Variants in MYO16 observed in about 807,000 individuals in gnomAD.
The protein encoded by MYO16 is unconventional myosin-XVI.
A neutral mutation model predicts 205.3 loss-of-function variants in MYO16; 94 were observed. That is an observed-to-expected ratio of 0.46 (90% confidence interval 0.39 to 0.54). The LOEUF (loss-of-function observed/expected upper bound fraction) is 0.54, where lower values mean the gene tolerates loss of function less well. MYO16 is among the 20% of genes least tolerant of loss of function. MYO16 has a pLI of 0.00. For synonymous variants in MYO16, 988 were observed against 954.0 expected (o/e 1.04, Z -0.66); for missense variants, 2,315 against 2,387.5 (o/e 0.97, Z 0.63).
At chr13:108,939,787 A>G (rs1370982854) in intron 16 of MYO16, among the ~76,000 whole-genome samples, 1 of 152,222 alleles carries the variant, frequency 6.6e-6, no homozygotes, top group Non-Finnish European at 1.5e-5. Flanking sequence ...CATCAATATC[A>G]ATATAAGACA....
intron 1 of MYO16, among the ~76,000 whole-genome samples, chr13:108,605,673 G>A (rs1878928756): frequency 6.6e-6 from 1 of 152,198 alleles, no homozygotes; most frequent in African/African-American, 2.4e-5. Flanking sequence ...CAGCCATGCA[G>A]AACTGTGAGT....
intron 1 of MYO16, among the ~76,000 whole-genome samples, chr13:108,648,213 T>C (rs1880839923): frequency 6.6e-6 from 1 of 152,228 alleles, no homozygotes; most frequent in South Asian, 2.1e-4. Context: ...TTAACTTACA[T>C]GATCCAGTAA....
Position 109,140,688 on chromosome 13 carries a change from GC to G in MYO16, c.4481del (p.Pro1494GlnfsTer40). 6.8e-7 allele frequency: 1 copy of G among 1,480,632 alleles called. No individual in the cohort carries two copies. The highest frequency in any genetic ancestry group is 8.9e-7 in the Non-Finnish European group (1 of 1,118,706). 91.7% of individuals were successfully genotyped at this position (1,480,632 alleles called of 1,614,324 possible). The stretch of plus-strand genomic sequence containing the variant: ...GCGCGCCGGAGGACGAGGCGGCGGG[GC>G]CCCCAGGGGACGCGTGCGACATCCC... ...HRAPEDEAAG[P>X]PGDACDIPPP... On this transcript the variant is annotated frameshift_variant, in exon 32 of 35. Coordinates refer to ENST00000457511, the MANE Select transcript of MYO16 (RefSeq NM_001198950.3). LOFTEE classifies it high-confidence loss of function. This position sits in a 1 kb window ranked among gnomAD's most constrained non-coding sequence, Gnocchi z 8.0.
the MYO16 span, among the ~76,000 whole-genome samples, chr13:108,558,976 A>G: frequency 2.8e-5 from 4 of 141,194 alleles, no homozygotes; most frequent in African/African-American, 1.1e-4. Context: ...TGAGCTGATG[A>G]GATGTTGATT....
rs981535621 is a variant in MYO16, at chr13:109,041,422, C to T, written c.2797-5494C>T. On this transcript the variant is annotated intron_variant, in intron 23 of 34. Coordinates refer to ENST00000457511, the MANE Select transcript of MYO16 (RefSeq NM_001198950.3). ...GGTAAAGAAGATAGAATAGCTAAAACAATGTTTATAAAGAAGAATGAAGTG... is the reference window on the plus strand; with the variant it reads ...GGTAAAGAAGATAGAATAGCTAAAATAATGTTTATAAAGAAGAATGAAGTG... 2.0e-4 allele frequency among the ~76,000 whole-genome samples: 30 copies of T among 152,050 alleles called. 1 individual carries two copies. The highest frequency in any genetic ancestry group is 1.1e-3 in the Admixed American group (17 of 15,276).
intron 27 of MYO16, among the ~76,000 whole-genome samples, chr13:109,068,220 A>T (rs933640099): frequency 6.6e-6 from 1 of 152,226 alleles, no homozygotes; most frequent in Non-Finnish European, 1.5e-5. Context: ...TGAATCTTGG[A>T]GCTTGAAGAA....
intron 1 of MYO16, among the ~76,000 whole-genome samples, chr13:108,642,301 A>G: frequency 6.6e-6 from 1 of 152,176 alleles, no homozygotes; most frequent in South Asian, 2.1e-4. Flanking sequence ...TTTTTGACTG[A>G]ACCCCAGTCT....
intron 4 of MYO16, among the ~76,000 whole-genome samples, chr13:108,740,202 G>C (rs984668720): frequency 3.2e-4 from 45 of 142,426 alleles, no homozygotes; most frequent in Non-Finnish European, 5.3e-4. Flanking sequence ...TTTGGAGGGG[G>C]AGAGGTGCTC....
At chr13:109,023,644 A>AGT (rs1566468131) in intron 23 of MYO16, among the ~76,000 whole-genome samples, 1 of 108,938 alleles carries the variant, frequency 9.2e-6, no homozygotes, top group Non-Finnish European at 1.9e-5. Flanking sequence ...TATATATACA[A>AGT]ATATATGTAT....
chr13:109,118,297 T>C (rs1875823325), intron 28 of MYO16, among the ~76,000 whole-genome samples: 1 of 152,174 alleles, frequency 6.6e-6, no homozygotes, highest in Admixed American at 6.5e-5. Flanking sequence ...AGAGGCCTCC[T>C]TCATATCCCC....
chr13:108,645,644 A>G (rs780396747), intron 1 of MYO16, among the ~76,000 whole-genome samples: 68 of 152,182 alleles, frequency 4.5e-4, no homozygotes, highest in Admixed American at 1.8e-3. Context: ...GACTTTGCTG[A>G]GGAAACATAC....
chr13:108,980,655 A>C (rs941007821), intron 20 of MYO16, among the ~76,000 whole-genome samples: 1 of 152,210 alleles, frequency 6.6e-6, no homozygotes, highest in African/African-American at 2.4e-5. Context: ...GTGCTTTGCA[A>C]CAAAGGACAT....
At chr13:108,830,559 A>G (rs967693343) in intron 9 of MYO16, among the ~76,000 whole-genome samples, 4 of 142,780 alleles carry the variant, frequency 2.8e-5, no homozygotes, top group African/African-American at 7.8e-5. Flanking sequence ...GAATTGAACA[A>G]TGAGAACACA....
chr13:109,019,950 A>C (rs770882854), intron 23 of MYO16, 39 bp downstream of exon 23: 26 of 1,584,154 alleles, frequency 1.6e-5, no homozygotes, highest in Non-Finnish European at 2.1e-5. Flanking sequence ...ATGTGCACTA[A>C]TGATCAAAGG....
chr13:108,999,573 T>C (rs981396917), intron 21 of MYO16, among the ~76,000 whole-genome samples: 4 of 152,204 alleles, frequency 2.6e-5, no homozygotes, highest in Admixed American at 1.3e-4. Context: ...TGATTATTGG[T>C]CTTCTTTAAA....
At chr13:108,534,798 T>C in the MYO16 span, among the ~76,000 whole-genome samples, 1 of 150,478 alleles carries the variant, frequency 6.6e-6, no homozygotes, top group African/African-American at 2.4e-5. Flanking sequence ...TTCTTCTTCT[T>C]CTTCCTTCCT....
chr13:109,193,026 T>C (rs1250760075), intron 34 of MYO16, among the ~76,000 whole-genome samples: 1 of 152,182 alleles, frequency 6.6e-6, no homozygotes, highest in East Asian at 1.9e-4. Context: ...GACAGAATTG[T>C]AGGAATATTG....
At chr13:108,777,508 G>T (rs1003627732) in intron 4 of MYO16, among the ~76,000 whole-genome samples, 3 of 152,176 alleles carry the variant, frequency 2.0e-5, no homozygotes, top group African/African-American at 7.2e-5. Flanking sequence ...AGTGGCCTCT[G>T]CATGGTGGGG....
the MYO16 span, among the ~76,000 whole-genome samples, chr13:108,560,925 C>T: frequency 6.6e-6 from 1 of 152,140 alleles, no homozygotes; most frequent in Non-Finnish European, 1.5e-5. Flanking sequence ...TTATTTTTAG[C>T]ACTCCATTGT....
Sources: allele counts gnomAD v4.1 joint callset (sites outside exome capture counted in the v4.1 genomes callset), GRCh38; gene constraint gnomAD v4.1.1; non-coding constraint Gnocchi (gnomAD v3.1); transcripts MANE v1.5; gene names NCBI Gene and HGNC (gene_info 2026-07-23, HGNC 2026-07-21).